The following KPNA1 variants were observed in gnomAD, a reference collection of about 807,000 sequenced individuals.
KPNA1 encodes the protein karyopherin subunit alpha 1.
KPNA1 carries 10 observed loss-of-function variants against 70.5 expected under a neutral mutation model. That is an observed-to-expected ratio of 0.14 (90% confidence interval 0.09 to 0.24). The LOEUF is 0.24. KPNA1 is among the 10% of genes least tolerant of loss of function. KPNA1 has a pLI of 1.00. For missense variants in KPNA1, 397 were observed against 637.9 expected, an observed-to-expected ratio of 0.62 and a Z score of 4.07; for synonymous variants, 192 against 221.9, an observed-to-expected ratio of 0.87 and a Z score of 1.20.
chr3:122,501,410 T>C (rs573658168), intron 1 of KPNA1, among the ~76,000 whole-genome samples: 3 of 152,370 alleles, frequency 2.0e-5, no homozygotes, highest in East Asian at 1.9e-4. Context: ...TCCTACACGA[T>C]GTCTTCATTT....
At chr3:122,506,056 A>G (rs1260515161) in intron 1 of KPNA1, among the ~76,000 whole-genome samples, 16 of 152,226 alleles carry the variant, frequency 1.1e-4, no homozygotes, top group Non-Finnish European at 2.2e-4. Flanking sequence ...GATTCATTCA[A>G]TACCATTCTC....
intron 5 of KPNA1, among the ~76,000 whole-genome samples, 188 bp downstream of exon 5, chr3:122,461,036 T>TA: frequency 1.3e-5 from 2 of 152,204 alleles, no homozygotes; most frequent in East Asian, 3.9e-4. Context: ...ATAATAATAA[T>TA]AAAGAGTATA....
intron 12 of KPNA1, among the ~76,000 whole-genome samples, chr3:122,431,906 C>T (rs555666433): frequency 2.6e-5 from 4 of 151,762 alleles, no homozygotes; most frequent in South Asian, 2.1e-4. Flanking sequence ...CGGGTTCAAG[C>T]GATTCTCCAG....
chr3:122,471,712 C>T (rs1419270358), intron 2 of KPNA1, among the ~76,000 whole-genome samples: 1 of 152,026 alleles, frequency 6.6e-6, no homozygotes, highest in Non-Finnish European at 1.5e-5. Flanking sequence ...CATGGTGGTA[C>T]ATGTCTTGGG....
chr3:122,427,822 A>T (rs1456967055), intron 12 of KPNA1, 106 bp from the exon 13 acceptor site: 2 of 671,396 alleles, frequency 3.0e-6, no homozygotes, highest in East Asian at 5.9e-5. Flanking sequence ...TTAAAAAAAA[A>T]AACAAAAAAC....
At chr3:122,514,027 C>T (rs2107516938) in intron 1 of KPNA1, among the ~76,000 whole-genome samples, 1 of 152,346 alleles carries the variant, frequency 6.6e-6, no homozygotes, top group Middle Eastern at 3.4e-3. Context: ...ATGACGACTT[C>T]CTTGACTCCA....
intron 2 of KPNA1, among the ~76,000 whole-genome samples, chr3:122,484,587 G>A (rs931153981): frequency 1.3e-5 from 2 of 149,210 alleles, no homozygotes; most frequent in Non-Finnish European, 2.9e-5. Flanking sequence ...AAGTTGCAGT[G>A]AGCTGAGATC....
At chr3:122,463,327 G>A (rs567187430) in intron 4 of KPNA1, among the ~76,000 whole-genome samples, 16 of 143,408 alleles carry the variant, frequency 1.1e-4, no homozygotes, top group African/African-American at 1.3e-4. Flanking sequence ...CAGCCTGGGC[G>A]ACAGAGTGAG....
chr3:122,485,883 C>T lies in KPNA1; in HGVS notation c.129+10554G>A, dbSNP rs148327260. Among the ~76,000 whole-genome samples, 332 of 152,154 alleles carry T rather than the reference C, an allele frequency of 2.2e-3. 3 individuals are homozygous for T. The highest frequency in any genetic ancestry group is 7.8e-3 in the African/African-American group (324 of 41,522). ...AAACTTTTTTAAAAAAGAAAAGATG[C>T]TTACAACTTTATTTATTAGGTGAAT... On this transcript the variant is annotated intron_variant, in intron 2 of 13. Coordinates refer to ENST00000344337, the MANE Select transcript of KPNA1 (RefSeq NM_002264.4).
chr3:122,465,002 GT>G (rs1372677919), intron 3 of KPNA1, among the ~76,000 whole-genome samples: 2 of 152,202 alleles, frequency 1.3e-5, no homozygotes, highest in African/African-American at 2.4e-5. Flanking sequence ...TTATGAATAT[GT>G]TTGCATAAAC....
chr3:122,448,321 T>C (rs1370018538), intron 9 of KPNA1, among the ~76,000 whole-genome samples: 1 of 152,110 alleles, frequency 6.6e-6, no homozygotes, highest in Non-Finnish European at 1.5e-5. Flanking sequence ...CTATTCACAA[T>C]AGCAAAGACT....
intron 2 of KPNA1, among the ~76,000 whole-genome samples, chr3:122,492,612 A>T (rs893803406): frequency 3.9e-5 from 6 of 152,236 alleles, no homozygotes; most frequent in South Asian, 4.1e-4. Context: ...CTCAATTTGA[A>T]TTAGCCACAT....
intron 2 of KPNA1, among the ~76,000 whole-genome samples, chr3:122,473,763 G>A (rs2076468380): frequency 6.6e-6 from 1 of 152,138 alleles, no homozygotes; most frequent in Admixed American, 6.5e-5. Context: ...TAAATGGTAT[G>A]AAACTAGAAG....
At chr3:122,499,838 G>A (rs73190162) in intron 1 of KPNA1, among the ~76,000 whole-genome samples, 19,800 of 151,902 alleles carry the variant, frequency 0.13, 1,451 homozygotes, top group East Asian at 0.22. Flanking sequence ...AGTGATACCA[G>A]CTTCATAAAA....
At chr3:122,432,142 T>G (rs547715400) in intron 12 of KPNA1, among the ~76,000 whole-genome samples, 15 of 152,326 alleles carry the variant, frequency 9.8e-5, no homozygotes, top group Non-Finnish European at 1.6e-4. Flanking sequence ...CTATAAAATA[T>G]AGAGACAATT....
intron 2 of KPNA1, among the ~76,000 whole-genome samples, chr3:122,481,028 A>C (rs2076565207): frequency 1.3e-5 from 2 of 152,168 alleles, no homozygotes; most frequent in African/African-American, 4.8e-5. Flanking sequence ...GGAGAAACTG[A>C]AGCCTTCAAA....
chr3:122,444,546 T>A (rs2076110260), intron 9 of KPNA1, among the ~76,000 whole-genome samples: 1 of 152,236 alleles, frequency 6.6e-6, no homozygotes, highest in Non-Finnish European at 1.5e-5. Context: ...CTTTACAATT[T>A]ATGTCCTTCT....
intron 8 of KPNA1, among the ~76,000 whole-genome samples, chr3:122,450,957 G>A (rs546828088): frequency 3.9e-5 from 6 of 152,282 alleles, no homozygotes; most frequent in Admixed American, 3.9e-4. Context: ...GGACGCAAAA[G>A]CGTAAGAATG....
chr3:122,495,097 A>G, intron 2 of KPNA1, among the ~76,000 whole-genome samples: 1 of 151,942 alleles, frequency 6.6e-6, no homozygotes, highest in Non-Finnish European at 1.5e-5. Flanking sequence ...TAAAAATACA[A>G]AAATTAGCTG....
Sources: allele counts gnomAD v4.1 joint callset (sites outside exome capture counted in the v4.1 genomes callset), GRCh38; gene constraint gnomAD v4.1.1; transcripts MANE v1.5; gene names NCBI Gene and HGNC (gene_info 2026-07-23, HGNC 2026-07-21).